HMCN2: variants seen among roughly 807,000 people sequenced by gnomAD.
The protein encoded by HMCN2 is hemicentin 2.
HMCN2 carries 325 observed loss-of-function variants against 377.5 expected under a neutral mutation model. That is an observed-to-expected ratio of 0.86 (90% CI 0.79 to 0.94). HMCN2 has a LOEUF of 0.94. HMCN2 is among the 40% of genes least tolerant of loss of function. The pLI is 0.00. For missense variants in HMCN2, 4,543 were observed against 4,725.3 expected (o/e 0.96, Z 1.13); for synonymous variants, 2,007 against 2,046.8 (o/e 0.98, Z 0.53).
chr9:130,355,012 A>G lies in HMCN2; in HGVS notation c.5114A>G (p.Glu1705Gly). The G allele has an allele frequency of 7.7e-7, 1 of 1,291,910 alleles. No homozygotes were observed. The allele number at this position is 1,291,910 out of a possible 1,614,324, so 80.0% of individuals were successfully genotyped here. The change falls in exon 32 of 98, where the codon GAA becomes GGA. Residue 1705 changes from glutamate to glycine, a missense_variant. Physicochemically the swap from Glu to Gly is moderately conservative, Grantham distance 98 (BLOSUM62 -2). Coordinates refer to ENST00000683500, the MANE Select transcript of HMCN2 (RefSeq NM_001291815.2). ...YSCVASSPAG[E>G]AVLQYSVEVQ... ...TGTGTGGCCAGCAGTCCTGCCGGGG[A>G]AGCCGTCCTGCAGTACTCCGTGGAG...
At chr9:130,388,092 T>C (rs528706064) in intron 61 of HMCN2, among the ~76,000 whole-genome samples, 2 of 152,208 alleles carry the variant, frequency 1.3e-5, no homozygotes, top group South Asian at 4.1e-4. Context: ...GGTGTCTGCC[T>C]GGGGTGTGTG....
At chr9:130,432,890 G>A in intron 97 of HMCN2, 1 of 376,648 alleles carries the variant, frequency 2.7e-6, no homozygotes, top group African/African-American at 2.1e-5. Context: ...AGGGGTGGCA[G>A]CTGCTGCCCT....
At chr9:130,282,385 T>C (rs2131268171) in intron 1 of HMCN2, among the ~76,000 whole-genome samples, 1 of 151,536 alleles carries the variant, frequency 6.6e-6, no homozygotes, top group Admixed American at 6.5e-5. Flanking sequence ...CTTGGGGCAG[T>C]GAAGTGAGCT....
chr9:130,322,615 G>A (rs1837918460), intron 19 of HMCN2, among the ~76,000 whole-genome samples: 2 of 152,010 alleles, frequency 1.3e-5, no homozygotes, highest in Admixed American at 6.6e-5. Flanking sequence ...CCCACACCCC[G>A]GGTATGAACA....
Position 130,430,589 on chromosome 9 carries a change from A to G in HMCN2, c.14632A>G (p.Asn4878Asp). 5 of 1,549,878 alleles carry G rather than the reference A, an allele frequency of 3.2e-6. No homozygotes were observed. Among genetic ancestry groups the G allele is most frequent in the Non-Finnish European group, 4.4e-6 (5 of 1,146,580 alleles). The change falls in exon 95 of 98, where the codon AAC (asparagine) becomes GAC (aspartate). Residue 4878 changes from asparagine (N) to aspartate (D), a missense_variant. Asn to Asp is a conservative substitution (Grantham distance 23). Around this residue, in one of 5 missense-constraint regions of HMCN2, gnomAD observed 1,155 missense variants for 1,157.7 expected, o/e 1.00. Coordinates refer to ENST00000683500, the MANE Select transcript of HMCN2 (RefSeq NM_001291815.2). ...GTGCCCTCCTGGTTTCATCAGGCAGAACGGAGTCTGCACAGGTAAGGCCAG... is the reference window on the plus strand; with the variant it reads ...GTGCCCTCCTGGTTTCATCAGGCAGGACGGAGTCTGCACAGGTAAGGCCAG... ...AWCPPGFIRQ[N>D]GVCTDLDECR...
In HMCN2 at chr9:130,326,873, C is replaced by T. The variant is rs980425799; in HGVS notation, c.3194-437C>T. Among the ~76,000 whole-genome samples the T allele has an allele frequency of 4.3e-3, 650 of 152,202 alleles. 6 individuals are homozygous for T. The highest frequency in any genetic ancestry group is 0.015 in the African/African-American group (614 of 41,516). ...TTGCCATCAATCCCTCACCAGGCTT[C>T]GAGAGGTCCAGAGGGAGGGTCTGTG... On this transcript the variant is annotated intron_variant, in intron 21 of 97. Transcript: ENST00000683500.
chr9:130,433,388 G>A lies in HMCN2; in HGVS notation c.14935G>A (p.Gly4979Ser). ...CTGCTCGCAGGACTGCGGCACGGGC[G>A]GCCCCTCTACGCTGCAGTACCGGCT... is the stretch of plus-strand genomic sequence containing the variant. ...RRCSQDCGTG[G>S]PSTLQYRLLP... Residue 4979 changes from glycine (G) to serine (S), a missense_variant, in exon 98 of 98, where the codon GGC becomes AGC. Transcript: ENST00000683500. 2 of 1,483,708 alleles carry A rather than the reference G, an allele frequency of 1.3e-6. No individual in the cohort carries two copies. The highest frequency in any genetic ancestry group is 2.9e-5 in the African/African-American group (2 of 68,340). 91.9% of individuals were successfully genotyped at this position (1,483,708 alleles called of 1,614,324 possible).
At chr9:130,317,467 ATCTCTCTCTCTC>A (rs1177875902) in intron 15 of HMCN2, among the ~76,000 whole-genome samples, 43 of 123,456 alleles carry the variant, frequency 3.5e-4, no homozygotes, top group Middle Eastern at 4.9e-3. Flanking sequence ...AGACCCCACC[ATCTCTCTCTCTC>A]TCTCTCTCTC....
At chr9:130,416,100 A>ATT (rs34382467) in intron 85 of HMCN2, among the ~76,000 whole-genome samples, 5,406 of 129,738 alleles carry the variant, frequency 0.042, 424 homozygotes, top group East Asian at 0.31. Context: ...TAGAGGCTTT[A>ATT]TTTTTTTTTT....
Position 130,307,521 on chromosome 9 carries a change from T to C in HMCN2, c.2155T>C (p.Cys719Arg). Residue 719 changes from cysteine (C) to arginine (R), a missense_variant, in exon 14 of 98, where the codon TGT becomes CGT. By Grantham distance (180) the Cys-to-Arg change is radical. Transcript: ENST00000683500. ...CGTTGGGGAGGAGGCTGTGTTGGTG[T>C]GTGAGGCATCTGGGGTTCCCCCGCC... ...VAVGEEAVLV[C>R]EASGVPPPRV... 1 of 471,140 alleles carries C rather than the reference T, an allele frequency of 2.1e-6. No homozygotes were observed. The highest frequency in any genetic ancestry group is 4.4e-6 in the Non-Finnish European group (1 of 227,038). 29.2% of individuals were successfully genotyped at this position (471,140 alleles called of 1,614,324 possible).
intron 26 of HMCN2, chr9:130,348,139 A>T (rs550968376): frequency 2.8e-6 from 2 of 707,360 alleles, no homozygotes; most frequent in African/African-American, 3.9e-5. Context: ...CCCCAGGACC[A>T]GCTGCTCTGG....
Position 130,428,517 on chromosome 9 carries a change from C to G in HMCN2, c.14197+28C>G. On this transcript the variant is annotated intron_variant, in intron 93 of 97. Coordinates refer to ENST00000683500, the MANE Select transcript of HMCN2 (RefSeq NM_001291815.2). This position sits in a 1 kb window ranked among gnomAD's most constrained non-coding sequence, Gnocchi z 5.0. Reference sequence around the variant, plus strand: ...GATGGGGGCACAGCATGCGGCCTGTCCATACTCCTGGAAACCCAGAGGTTG... The same window carrying G: ...GATGGGGGCACAGCATGCGGCCTGTGCATACTCCTGGAAACCCAGAGGTTG... 6.5e-7 allele frequency: 1 copy of G among 1,535,678 alleles called. No homozygotes were observed. The highest frequency in any genetic ancestry group is 8.7e-7 in the Non-Finnish European group (1 of 1,146,044).
intron 62 of HMCN2, among the ~76,000 whole-genome samples, chr9:130,388,938 G>T (rs977631218): frequency 6.6e-6 from 1 of 152,278 alleles, no homozygotes; most frequent in Non-Finnish European, 1.5e-5. Context: ...CTGGGCCGTT[G>T]GTCAACCCCA....
intron 4 of HMCN2, among the ~76,000 whole-genome samples, chr9:130,293,953 C>A (rs1246398582): frequency 1.4e-5 from 2 of 146,116 alleles, no homozygotes; most frequent in African/African-American, 5.0e-5. Flanking sequence ...GGCATTCCTG[C>A]AAAGAACACG....
chr9:130,370,108 C>T (rs2131594159), intron 45 of HMCN2, among the ~76,000 whole-genome samples: 1 of 152,312 alleles, frequency 6.6e-6, no homozygotes, highest in Non-Finnish European at 1.5e-5. Context: ...TTTACTCTTC[C>T]TCTACTCTGT....
intron 54 of HMCN2, among the ~76,000 whole-genome samples, chr9:130,380,521 T>C (rs1238692057): frequency 6.6e-6 from 1 of 152,132 alleles, no homozygotes; most frequent in Non-Finnish European, 1.5e-5. Flanking sequence ...GCGCCGTGGC[T>C]CACACCTGTA....
chr9:130,349,070 C>T lies in HMCN2; in HGVS notation c.4242C>T (p.Tyr1414=). The T allele has an allele frequency of 7.7e-7, 1 of 1,304,274 alleles. No individual in the cohort carries two copies. Among genetic ancestry groups the T allele is most frequent in the Non-Finnish European group, 1.0e-6 (1 of 988,946 alleles). The allele number at this position is 1,304,274 out of a possible 1,614,324, so 80.8% of individuals were successfully genotyped here. A position where few individuals can be genotyped will look rare whatever the true frequency, so the allele number is the denominator to read the frequency against. The change falls in exon 28 of 98, where the codon TAC becomes TAT. Residue 1414 remains tyrosine, a synonymous_variant. Transcript: ENST00000683500. ...TCCAGGAGGGTGATTCTGGGCTCTA[C>T]TCCTGCCGGGCAGAGAACCAGGCTG... ...PRIQEGDSGL[Y]SCRAENQAGT... is the part of the protein sequence containing the mutation.
At chr9:130,346,234 G>T (rs1164362388) in intron 25 of HMCN2, among the ~76,000 whole-genome samples, 1 of 152,240 alleles carries the variant, frequency 6.6e-6, no homozygotes, top group East Asian at 1.9e-4. Flanking sequence ...CTCACGCTGC[G>T]ACCTCTGGGC....
At position 130,368,362 on chromosome 9, in the gene HMCN2, C is replaced by T. The variant is rs1409938242; in HGVS notation, c.6712C>T (p.Gln2238Ter). Residue 2238 changes from glutamine (Q) to a stop codon, truncating the protein, a stop_gained, in exon 44 of 98, where the codon CAG (glutamine) becomes TAG (stop). Transcript: ENST00000683500. LOFTEE classifies it high-confidence loss of function. Reference protein sequence around the residue: ...LLYLGQAQLAQEGTYTCECSN... With the variant: ...LLYLGQAQLA The stretch of plus-strand genomic sequence containing the variant: ...GTACCTGGGACAGGCCCAGCTGGCT[C>T]AGGAAGGAACATACACCTGTGAATG... The T allele has an allele frequency of 4.1e-6, 4 of 985,704 alleles. No homozygotes were observed. Among genetic ancestry groups the T allele is most frequent in the East Asian group, 2.3e-4 (2 of 8,820 alleles). The allele number at this position is 985,704 out of a possible 1,614,324, so 61.1% of individuals were successfully genotyped here. A position where few individuals can be genotyped will look rare whatever the true frequency, so the allele number is the denominator to read the frequency against.
Sources: gnomAD v4.1 joint callset for allele counts (sites outside exome capture counted in the v4.1 genomes callset) on GRCh38, gnomAD v4.1.1 for gene constraint, gnomAD v4.1.1 regional missense constraint, Gnocchi (gnomAD v3.1) non-coding constraint, MANE v1.5 for transcripts, NCBI Gene and HGNC (gene_info 2026-07-23, HGNC 2026-07-21) for gene names.